The following FAM83B variants were observed in gnomAD, a reference collection of about 807,000 sequenced individuals.
FAM83B encodes the protein scaffolding CK1 anchoring protein B.
Under a neutral mutation model 38.8 loss-of-function variants are expected in FAM83B, and 26 were observed. The ratio of observed to expected loss-of-function variants is 0.67; its 90% CI spans 0.49 to 0.93. The LOEUF (loss-of-function observed/expected upper bound fraction) is 0.93. Ranked by LOEUF, FAM83B falls within the 40% of genes least tolerant of loss-of-function variation. The pLI, the probability that FAM83B is intolerant of heterozygous loss-of-function variation, is 0.00. For synonymous variants in FAM83B, 419 were observed against 423.1 expected (o/e 0.99, Z 0.12); for missense variants, 1,237 against 1,197.3 (o/e 1.03, Z -0.49).
chr6:54,889,020 C>G (rs1417105911), intron 2 of FAM83B, among the ~76,000 whole-genome samples: 1 of 152,054 alleles, frequency 6.6e-6, no homozygotes, highest in East Asian at 1.9e-4. Flanking sequence ...CACTAATCCT[C>G]TCTGCAGTTG....
intron 2 of FAM83B, among the ~76,000 whole-genome samples, chr6:54,891,492 T>C (rs1772401696): frequency 6.6e-6 from 1 of 152,192 alleles, no homozygotes; most frequent in Admixed American, 6.5e-5. Context: ...ACATTTTATT[T>C]CTTACTGCTG....
chr6:54,917,998 T>G (rs1773084381), intron 2 of FAM83B, among the ~76,000 whole-genome samples: 1 of 152,150 alleles, frequency 6.6e-6, no homozygotes, highest in Non-Finnish European at 1.5e-5. Context: ...GTAAAAATAT[T>G]GGTGATGGAT....
Position 54,941,032 on chromosome 6 carries a change from A to C in FAM83B, c.2061A>C (p.Thr687=). 1.2e-6 allele frequency: 2 copies of C among 1,613,816 alleles called. No individual in the cohort carries two copies. The highest frequency in any genetic ancestry group is 1.7e-6 in the Non-Finnish European group (2 of 1,179,942). Residue 687 remains threonine (T), a synonymous_variant, in exon 5 of 5, where the codon ACA becomes ACC. Coordinates refer to ENST00000306858, the MANE Select transcript of FAM83B (RefSeq NM_001010872.3). ...PGNSKHYVYS[T]LTRNRVRQPE... is the part of the protein sequence containing the mutation. ...ATAGTAAGCATTATGTATATAGTAC[A>C]CTTACCAGGAATCGAGTTAGACAAC...
In FAM83B at chr6:54,846,786, G is replaced by C. The variant is rs966698150; in HGVS notation, c.-101G>C. 3 of 152,268 alleles carry C rather than the reference G, an allele frequency of 2.0e-5. No homozygotes were observed. The highest frequency in any genetic ancestry group is 1.3e-4 in the Admixed American group (2 of 15,292). The allele number at this position is 152,268 out of a possible 1,614,324, so 9.4% of individuals were successfully genotyped here. ...CCTGGGAGGCAAACCTTCGGCGGCC[G>C]GCGCTGTGCGGCGGGCGCGGTTGCG... On this transcript the variant is annotated 5_prime_UTR_variant, in exon 1 of 5. Coordinates refer to ENST00000306858, the MANE Select transcript of FAM83B (RefSeq NM_001010872.3).
chr6:54,925,275 A>G (rs1479015446), intron 2 of FAM83B, among the ~76,000 whole-genome samples: 3 of 152,080 alleles, frequency 2.0e-5, no homozygotes, highest in African/African-American at 7.2e-5. Context: ...TTTTTCCAAA[A>G]AACCTATAGC....
intron 4 of FAM83B, among the ~76,000 whole-genome samples, chr6:54,933,095 T>C (rs1773458429): frequency 6.6e-6 from 1 of 152,070 alleles, no homozygotes; most frequent in African/African-American, 2.4e-5. Context: ...ATTGATCTCC[T>C]TGGTAGTTCT....
At position 54,941,804 on chromosome 6, in the gene FAM83B, A is replaced by G; in HGVS notation, c.2833A>G (p.Ser945Gly). The change falls in exon 5 of 5, where the codon AGC becomes GGC. Residue 945 changes from serine (S) to glycine (G), a missense_variant. Transcript: ENST00000306858. ...SRFEPFCKIE[S>G]SIQPTSNMPN... ...TTTTGAGCCGTTTTGTAAGATTGAG[A>G]GCTCTATTCAGCCAACAAGCAACAT... The G allele has an allele frequency of 6.2e-7, 1 of 1,613,888 alleles. No individual in the cohort carries two copies. Among genetic ancestry groups the G allele is most frequent in the South Asian group, 1.1e-5 (1 of 91,050 alleles).
chr6:54,889,919 T>C (rs1025772703), intron 2 of FAM83B, among the ~76,000 whole-genome samples: 3 of 152,108 alleles, frequency 2.0e-5, no homozygotes, highest in African/African-American at 7.2e-5. Context: ...ATTATAAATA[T>C]CCTACAAACA....
chr6:54,905,119 A>G (rs1045987890), intron 2 of FAM83B, among the ~76,000 whole-genome samples: 18 of 151,512 alleles, frequency 1.2e-4, no homozygotes, highest in African/African-American at 4.1e-4. Flanking sequence ...TCAAAGAGCA[A>G]GAGGTGGAGA....
At position 54,862,598 on chromosome 6, in the gene FAM83B, C is replaced by T. The variant is rs1300702241; in HGVS notation, c.-60-7589C>T. Among the ~76,000 whole-genome samples the T allele has an allele frequency of 2.6e-5, 4 of 152,082 alleles. No individual in the cohort carries two copies. The South Asian group carries it at 8.3e-4, about 31-fold the overall frequency. ...TCTTTTTTAAAAACCTGTCATTGGC[C>T]GGGCACGGTGCCTCATGCCTGTAAT... is the stretch of plus-strand genomic sequence containing the variant. On this transcript the variant is annotated intron_variant, in intron 1 of 4. Coordinates refer to ENST00000306858, the MANE Select transcript of FAM83B (RefSeq NM_001010872.3).
In FAM83B at chr6:54,905,073, GGCACCT is replaced by G. The variant is rs775420627; in HGVS notation, c.445-21297_445-21292del. On this transcript the variant is annotated intron_variant, in intron 2 of 4. Coordinates refer to ENST00000306858, the MANE Select transcript of FAM83B (RefSeq NM_001010872.3). ...AGGTGGATAGGAGGAGTAGTTGCAG[GGCACCT>G]AGTGGGAATAAAGTCTTCTCTGTTT... Among the ~76,000 whole-genome samples, 390 of 152,208 alleles carry G rather than the reference GGCACCT, an allele frequency of 2.6e-3. 5 individuals are homozygous for G. The highest frequency in any genetic ancestry group is 0.017 in the East Asian group (88 of 5,184).
chr6:54,909,101 C>T (rs1368551663), intron 2 of FAM83B, among the ~76,000 whole-genome samples: 2 of 152,008 alleles, frequency 1.3e-5, no homozygotes, highest in African/African-American at 4.8e-5. Context: ...TTTACAATAC[C>T]TTCCACAATG....
At chr6:54,926,259 A>C (rs1416396729) in intron 2 of FAM83B, 112 bp from the exon 3 acceptor site, 2 of 548,326 alleles carry the variant, frequency 3.6e-6, no homozygotes, top group Non-Finnish European at 6.3e-6. Flanking sequence ...ATATACATAC[A>C]TATATGTATT....
intron 2 of FAM83B, among the ~76,000 whole-genome samples, chr6:54,906,180 C>T (rs1772772794): frequency 6.6e-6 from 1 of 151,836 alleles, no homozygotes; most frequent in Non-Finnish European, 1.5e-5. Flanking sequence ...TTCAAAGGAC[C>T]ACAAGATATA....
At chr6:54,883,613 G>A (rs965322427) in intron 2 of FAM83B, among the ~76,000 whole-genome samples, 6 of 151,884 alleles carry the variant, frequency 4.0e-5, no homozygotes, top group African/African-American at 1.4e-4. Flanking sequence ...TGGGATTACA[G>A]GCGTGAGCCA....
intron 1 of FAM83B, among the ~76,000 whole-genome samples, chr6:54,850,004 T>C (rs559625336): frequency 3.3e-5 from 5 of 152,188 alleles, no homozygotes; most frequent in Admixed American, 6.5e-5. Flanking sequence ...ATTAAACATA[T>C]TTATTGACCA....
At chr6:54,912,833 G>C (rs1720177367) in intron 2 of FAM83B, among the ~76,000 whole-genome samples, 1 of 151,928 alleles carries the variant, frequency 6.6e-6, no homozygotes. Flanking sequence ...GAAGCTATTG[G>C]TGTGAAAATA....
chr6:54,864,984 T>A (rs973206), intron 1 of FAM83B, among the ~76,000 whole-genome samples: 134,947 of 152,274 alleles, frequency 0.89, 60,511 homozygotes, highest in East Asian at 1. Flanking sequence ...CTAGTTTAAC[T>A]ATATCATTTA....
At chr6:54,865,932 T>C (rs1384821119) in intron 1 of FAM83B, among the ~76,000 whole-genome samples, 1 of 150,628 alleles carries the variant, frequency 6.6e-6, no homozygotes, top group African/African-American at 2.4e-5. Flanking sequence ...TTTATAGTAA[T>C]TATACTATAG....
Sources: gnomAD v4.1 joint callset for allele counts (sites outside exome capture counted in the v4.1 genomes callset) on GRCh38, gnomAD v4.1.1 for gene constraint, MANE v1.5 for transcripts, NCBI Gene and HGNC (gene_info 2026-07-23, HGNC 2026-07-21) for gene names.